The following IQCJ variants were observed in gnomAD, a reference collection of about 807,000 sequenced individuals.
The protein encoded by IQCJ is IQ motif containing J.
In IQCJ, 9 loss-of-function variants were observed where a neutral mutation model predicts 11.0. The observed-to-expected ratio is 0.82, with a 90% CI of 0.49 to 1.43. IQCJ has a LOEUF of 1.43. IQCJ is among the 40% of genes most tolerant of loss of function. The pLI is 0.00. For synonymous variants in IQCJ, 55 were observed against 51.3 expected (o/e 1.07, Z -0.31); for missense variants, 146 against 133.2 (o/e 1.10, Z -0.47).
chr3:159,175,370 C>A (rs1157591077), intron 1 of IQCJ, among the ~76,000 whole-genome samples: 1 of 152,154 alleles, frequency 6.6e-6, no homozygotes, highest in African/African-American at 2.4e-5. Context: ...ACTCTGGAAG[C>A]TGAAGTGGGA....
intron 1 of IQCJ, among the ~76,000 whole-genome samples, chr3:159,148,774 A>G (rs1346429057): frequency 1.3e-5 from 2 of 152,338 alleles, no homozygotes; most frequent in Non-Finnish European, 2.9e-5. Context: ...TGATTGTAAA[A>G]GATGGATTTT....
chr3:159,182,465 A>C (rs1207969778), intron 1 of IQCJ, among the ~76,000 whole-genome samples: 1 of 152,036 alleles, frequency 6.6e-6, no homozygotes. Context: ...GACAAGCCGC[A>C]GACAAAACTC....
intron 1 of IQCJ, among the ~76,000 whole-genome samples, chr3:159,209,711 C>A (rs1355095876): frequency 6.6e-6 from 1 of 152,164 alleles, no homozygotes; most frequent in Non-Finnish European, 1.5e-5. Context: ...CACCTGCATG[C>A]TCTCCCTCCC....
At chr3:159,179,178 T>C (rs1476450015) in intron 1 of IQCJ, among the ~76,000 whole-genome samples, 1 of 152,146 alleles carries the variant, frequency 6.6e-6, no homozygotes, top group Non-Finnish European at 1.5e-5. Flanking sequence ...TCATTTGATA[T>C]TTTAATATGC....
At chr3:159,169,279 C>CTTTTTTTTTTTTTTTTTTTTTT (rs141888128) in intron 1 of IQCJ, among the ~76,000 whole-genome samples, 2 of 56,404 alleles carry the variant, frequency 3.5e-5, no homozygotes, top group Non-Finnish European at 6.2e-5. Flanking sequence ...TTCTTTCTTT[C>CTTTTTTTTTTTTTTTTTTTTTT]TTTTTTTTTT....
intron 1 of IQCJ, among the ~76,000 whole-genome samples, chr3:159,204,061 G>T (rs567842730): frequency 1.8e-3 from 268 of 152,278 alleles, no homozygotes; most frequent in Non-Finnish European, 3.2e-3. Context: ...AGGCCCATGG[G>T]TACAAAAGAG....
chr3:159,233,206 C>T (rs929854427), intron 1 of IQCJ, among the ~76,000 whole-genome samples: 61 of 151,930 alleles, frequency 4.0e-4, no homozygotes, highest in African/African-American at 1.4e-3. Context: ...AGAATTAAGT[C>T]GGTTGGGGAT....
intron 1 of IQCJ, among the ~76,000 whole-genome samples, chr3:159,094,422 C>CTTTTTTT (rs71302258): frequency 1.4e-5 from 1 of 71,732 alleles, no homozygotes; most frequent in Non-Finnish European, 2.5e-5. Flanking sequence ...ACAGGATCTG[C>CTTTTTTT]TTTTTTTTTT....
intron 1 of IQCJ, among the ~76,000 whole-genome samples, chr3:159,087,951 C>T (rs1449617297): frequency 6.1e-5 from 9 of 148,234 alleles, no homozygotes; most frequent in Non-Finnish European, 1.2e-4. Flanking sequence ...TATTTCTTGC[C>T]TTCTGCTAGC....
chr3:159,239,564 A>G (rs962382620), intron 1 of IQCJ, among the ~76,000 whole-genome samples: 5 of 152,208 alleles, frequency 3.3e-5, no homozygotes, highest in African/African-American at 1.2e-4. Flanking sequence ...ATGCAGGGGG[A>G]AGAAAAAATT....
intron 3 of IQCJ, among the ~76,000 whole-genome samples, chr3:159,255,059 A>G (rs941894681): frequency 5.3e-5 from 8 of 152,164 alleles, no homozygotes; most frequent in Non-Finnish European, 1.0e-4. Context: ...GCTTTCCAAG[A>G]TAAGTTTTTT....
At chr3:159,161,370 T>C (rs1273256406) in intron 1 of IQCJ, among the ~76,000 whole-genome samples, 3 of 152,210 alleles carry the variant, frequency 2.0e-5, no homozygotes, top group Non-Finnish European at 4.4e-5. Context: ...CACTTTTTGA[T>C]GTGGTTGTTT....
intron 1 of IQCJ, among the ~76,000 whole-genome samples, chr3:159,241,280 G>A (rs1232967602): frequency 1.3e-5 from 2 of 151,790 alleles, no homozygotes; most frequent in Non-Finnish European, 2.9e-5. Flanking sequence ...ATGGTGGTGG[G>A]TGCCTGTAAT....
chr3:159,074,910 A>T (rs1715814882), intron 1 of IQCJ, among the ~76,000 whole-genome samples: 1 of 152,100 alleles, frequency 6.6e-6, no homozygotes, highest in African/African-American at 2.4e-5. Context: ...TTCCTGGGGT[A>T]GATAGAGGAG....
intron 1 of IQCJ, among the ~76,000 whole-genome samples, chr3:159,238,378 G>T (rs186870149): frequency 1.6e-4 from 24 of 152,300 alleles, no homozygotes; most frequent in Middle Eastern, 6.8e-3. Context: ...ATGGAGAAGA[G>T]TAAAGACTGT....
At chr3:159,259,097 T>C (rs1728062302) in intron 3 of IQCJ, among the ~76,000 whole-genome samples, 1 of 152,108 alleles carries the variant, frequency 6.6e-6, no homozygotes, top group Non-Finnish European at 1.5e-5. Flanking sequence ...TAGATAAACA[T>C]ATGCATTGGC....
rs77221129 is a variant in IQCJ, at chr3:159,091,227, A to T, written c.9+21786A>T. Among the ~76,000 whole-genome samples, 124 of 151,920 alleles carry T rather than the reference A, an allele frequency of 8.2e-4. 2 individuals are homozygous for T. The highest frequency in any genetic ancestry group is 2.9e-3 in the African/African-American group (119 of 41,216). On this transcript the variant is annotated intron_variant, in intron 1 of 3. Coordinates refer to ENST00000397832, the MANE Select transcript of IQCJ (RefSeq NM_001042706.3). Reference sequence around the variant, plus strand: ...TAGGGCAGAGACAATATCTTAGTCTATTCAGGCAGTTAACAGCAAATAACA... The same window carrying T: ...TAGGGCAGAGACAATATCTTAGTCTTTTCAGGCAGTTAACAGCAAATAACA...
chr3:159,129,049 A>C (rs1719841385), intron 1 of IQCJ, among the ~76,000 whole-genome samples: 1 of 152,098 alleles, frequency 6.6e-6, no homozygotes, highest in African/African-American at 2.4e-5. Context: ...CAACAACAAC[A>C]ATAACAACAA....
intron 1 of IQCJ, among the ~76,000 whole-genome samples, chr3:159,094,919 T>C (rs1717620459): frequency 6.6e-6 from 1 of 151,884 alleles, no homozygotes; most frequent in Admixed American, 6.5e-5. Context: ...ATTGAAGTTA[T>C]TCCACATCAG....
Sources: gnomAD v4.1 joint callset for allele counts (sites outside exome capture counted in the v4.1 genomes callset) on GRCh38, gnomAD v4.1.1 for gene constraint, MANE v1.5 for transcripts, NCBI Gene and HGNC (gene_info 2026-07-23, HGNC 2026-07-21) for gene names.